Variants in CNTNAP5 observed in about 807,000 individuals in gnomAD.
CNTNAP5 encodes the protein contactin-associated protein-like 5.
CNTNAP5 carries 72 observed loss-of-function variants against 150.2 expected under a neutral mutation model. The ratio of observed to expected loss-of-function variants is 0.48; its 90% confidence interval spans 0.40 to 0.58. The LOEUF (loss-of-function observed/expected upper bound fraction) is 0.58, where lower values mean the gene tolerates loss of function less well. CNTNAP5 is among the 20% of genes least tolerant of loss of function. CNTNAP5 has a pLI of 0.00. For missense variants in CNTNAP5, 1,636 were observed against 1,626.2 expected (o/e 1.01, Z -0.10); for synonymous variants, 672 against 619.8 (o/e 1.08, Z -1.25).
chr2:124,885,036 G>C (rs1393368284), intron 21 of CNTNAP5, among the ~76,000 whole-genome samples: 1 of 152,018 alleles, frequency 6.6e-6, no homozygotes. Flanking sequence ...AGCATGACTA[G>C]TAGGAGATAA....
chr2:124,716,620 C>T (rs556473132), intron 13 of CNTNAP5, among the ~76,000 whole-genome samples: 37 of 152,146 alleles, frequency 2.4e-4, no homozygotes, highest in South Asian at 2.3e-3. Flanking sequence ...TTTCTCTATA[C>T]TCCTTCCATA....
intron 3 of CNTNAP5, among the ~76,000 whole-genome samples, chr2:124,295,818 G>C (rs185279970): frequency 4.5e-4 from 68 of 152,194 alleles, no homozygotes; most frequent in Non-Finnish European, 3.5e-4. Flanking sequence ...AGACCATATA[G>C]GGTAACTTCC....
intron 6 of CNTNAP5, among the ~76,000 whole-genome samples, chr2:124,460,894 G>C (rs1035624204): frequency 1.3e-5 from 2 of 152,098 alleles, no homozygotes; most frequent in African/African-American, 2.4e-5. Context: ...CAGTTGCAGG[G>C]TTAAAAGTGA....
At chr2:124,203,332 C>A (rs1488002356) in intron 1 of CNTNAP5, among the ~76,000 whole-genome samples, 1 of 152,138 alleles carries the variant, frequency 6.6e-6, no homozygotes, top group Admixed American at 6.5e-5. Flanking sequence ...GGGTACAGCA[C>A]CCCCTCCTGG....
intron 10 of CNTNAP5, among the ~76,000 whole-genome samples, chr2:124,530,793 G>T (rs1003659624): frequency 6.6e-6 from 1 of 152,056 alleles, no homozygotes; most frequent in African/African-American, 2.4e-5. Flanking sequence ...ACAGTGTGCA[G>T]CTGCTGCCCC....
chr2:124,766,933 T>G (rs1301808082), intron 16 of CNTNAP5, among the ~76,000 whole-genome samples: 1 of 152,182 alleles, frequency 6.6e-6, no homozygotes, highest in African/African-American at 2.4e-5. Context: ...AAGACAAGAT[T>G]TTATATAAAA....
intron 10 of CNTNAP5, among the ~76,000 whole-genome samples, chr2:124,529,991 G>T (rs1231368414): frequency 2.0e-5 from 3 of 152,120 alleles, no homozygotes; most frequent in Non-Finnish European, 4.4e-5. Flanking sequence ...TGCTAGTCAC[G>T]TGGGAAAATC....
chr2:124,834,520 G>A (rs928699283), intron 19 of CNTNAP5, among the ~76,000 whole-genome samples: 1 of 152,070 alleles, frequency 6.6e-6, no homozygotes, highest in Non-Finnish European at 1.5e-5. Flanking sequence ...GTAATGGGGG[G>A]TATTGCAGCA....
chr2:124,756,846 A>G (rs1680849974), intron 14 of CNTNAP5, among the ~76,000 whole-genome samples: 1 of 152,148 alleles, frequency 6.6e-6, no homozygotes, highest in South Asian at 2.1e-4. Flanking sequence ...TGATGGGATG[A>G]TCTGTGCAGC....
chr2:124,150,190 C>T (rs138499955), intron 1 of CNTNAP5, among the ~76,000 whole-genome samples: 209 of 152,260 alleles, frequency 1.4e-3, no homozygotes, highest in African/African-American at 4.9e-3. Context: ...TATTCATTTG[C>T]TGTTATATCA....
intron 5 of CNTNAP5, among the ~76,000 whole-genome samples, chr2:124,443,640 T>G (rs1019163356): frequency 6.6e-6 from 1 of 152,066 alleles, no homozygotes; most frequent in Non-Finnish European, 1.5e-5. Flanking sequence ...AAAATCAGTT[T>G]GACTGATTCA....
At chr2:124,300,037 A>T (rs929254905) in intron 3 of CNTNAP5, among the ~76,000 whole-genome samples, 1 of 152,220 alleles carries the variant, frequency 6.6e-6, no homozygotes, top group Non-Finnish European at 1.5e-5. Flanking sequence ...ATATTTGGTG[A>T]GGATTAAATC....
rs190578260 is a variant in CNTNAP5, at chr2:124,809,432, G to A, written c.3217+11112G>A. 2.0e-3 allele frequency among the ~76,000 whole-genome samples: 286 copies of A among 144,748 alleles called. 3 individuals carry two copies. Among genetic ancestry groups the A allele is most frequent in the African/African-American group, 7.1e-3 (280 of 39,238 alleles). 95.0% of individuals were successfully genotyped at this position (144,748 alleles called of 152,430 possible). The stretch of plus-strand genomic sequence containing the variant: ...TTTATTTATTTATTTATTAAGAAAC[G>A]GAGTCTCTCTCTCGCCCAGGCTGCA... On this transcript the variant is annotated intron_variant, in intron 19 of 23. Coordinates refer to ENST00000682447, the MANE Select transcript of CNTNAP5 (RefSeq NM_001367498.1).
chr2:124,509,963 A>T (rs1694518793), intron 8 of CNTNAP5, among the ~76,000 whole-genome samples: 1 of 152,150 alleles, frequency 6.6e-6, no homozygotes, highest in South Asian at 2.1e-4. Context: ...ATAATACAGG[A>T]GGCTGAGGCG....
intron 3 of CNTNAP5, among the ~76,000 whole-genome samples, chr2:124,395,781 A>C (rs1316750804): frequency 6.6e-6 from 1 of 152,180 alleles, no homozygotes; most frequent in African/African-American, 2.4e-5. Flanking sequence ...ATATGTCTAC[A>C]CACACACGTG....
intron 6 of CNTNAP5, among the ~76,000 whole-genome samples, chr2:124,463,433 G>C (rs182248464): frequency 6.6e-6 from 1 of 152,218 alleles, no homozygotes; most frequent in African/African-American, 2.4e-5. Context: ...TAAGAAAAAT[G>C]GTCTGAATAT....
At chr2:124,540,808 G>A (rs1293340953) in intron 10 of CNTNAP5, among the ~76,000 whole-genome samples, 2 of 152,048 alleles carry the variant, frequency 1.3e-5, no homozygotes, top group Non-Finnish European at 2.9e-5. Flanking sequence ...ACTTCAGAAA[G>A]CTCCATGGAA....
intron 1 of CNTNAP5, among the ~76,000 whole-genome samples, chr2:124,099,058 G>A (rs1255089908): frequency 1.3e-4 from 20 of 152,120 alleles, no homozygotes; most frequent in Admixed American, 8.5e-4. Flanking sequence ...AAGGACCTTC[G>A]TAACACAAGA....
intron 19 of CNTNAP5, among the ~76,000 whole-genome samples, chr2:124,835,562 G>A (rs1342209151): frequency 6.6e-6 from 1 of 152,026 alleles, no homozygotes; most frequent in Non-Finnish European, 1.5e-5. Flanking sequence ...GTTTGACGTG[G>A]TATTAATGAA....
Sources: allele counts gnomAD v4.1 joint callset (sites outside exome capture counted in the v4.1 genomes callset), GRCh38; gene constraint gnomAD v4.1.1; transcripts MANE v1.5; gene names NCBI Gene and HGNC (gene_info 2026-07-23, HGNC 2026-07-21).